The following POLR2E variants were observed in gnomAD, a reference collection of about 807,000 sequenced individuals.
POLR2E encodes DNA-directed RNA polymerases I, II, and III subunit RPABC1.
POLR2E carries 35 observed loss-of-function variants against 29.8 expected under a neutral mutation model. The ratio of observed to expected loss-of-function variants is 1.17; its 90% confidence interval spans 0.90 to 1.55. The LOEUF (loss-of-function observed/expected upper bound fraction) is 1.55. Among genes scored for constraint, POLR2E ranks in the 40% most tolerant of loss-of-function variants. POLR2E has a pLI of 0.00. For synonymous variants in POLR2E, 174 were observed against 112.6 expected (o/e 1.55, Z -3.45); for missense variants, 287 against 288.6 (o/e 0.99, Z 0.04).
In POLR2E at chr19:1,093,992, C is replaced by T. The variant is rs370164381; in HGVS notation, c.144G>A (p.Pro48=). 7.4e-6 allele frequency: 12 copies of T among 1,613,728 alleles called. No individual in the cohort carries two copies. Among genetic ancestry groups the T allele is most frequent in the African/African-American group, 2.7e-5 (2 of 74,916 alleles). ...EEFKAQSGDK[P]SEGRPRRTDL... is the part of the protein sequence containing the mutation. Reference sequence around the variant, plus strand: ...CCGTGCGCCGCGGCCGCCCCTCACTCGGCTTGTCCCCAGATTGGGCTTTGA... The same window carrying T: ...CCGTGCGCCGCGGCCGCCCCTCACTTGGCTTGTCCCCAGATTGGGCTTTGA... Residue 48 remains proline, a synonymous_variant, in exon 2 of 8, where the codon CCG becomes CCA. Transcript: ENST00000615234.
intron 2 of POLR2E, among the ~76,000 whole-genome samples, chr19:1,093,003 T>C (rs1568515381): frequency 6.6e-6 from 1 of 151,334 alleles, no homozygotes; most frequent in East Asian, 1.9e-4. Flanking sequence ...CTAGCCAACA[T>C]GGTGAAACCT....
chr19:1,086,576 T>C lies in POLR2E; in HGVS notation c.*2159A>G, dbSNP rs2043665849. 6.6e-6 allele frequency: 1 copy of C among 152,406 alleles called. No homozygotes were observed. Among genetic ancestry groups the C allele is most frequent in the South Asian group, 2.1e-4 (1 of 4,854 alleles). 9.4% of individuals were successfully genotyped at this position (152,406 alleles called of 1,614,324 possible). A position where few individuals can be genotyped will look rare whatever the true frequency, so the allele number is the denominator to read the frequency against. On this transcript the variant is annotated 3_prime_UTR_variant, in exon 8 of 8. Coordinates refer to ENST00000615234, the MANE Select transcript of POLR2E (RefSeq NM_002695.5). ...GTGGGGTCTCTCGGAAGCCACCGTG[T>C]GGTTCTTTCACAGGCACGTTTATTT... is the stretch of plus-strand genomic sequence containing the variant.
intron 1 of POLR2E, 35 bp downstream of exon 1, chr19:1,095,224 C>T: frequency 6.2e-7 from 1 of 1,608,668 alleles, no homozygotes; most frequent in Non-Finnish European, 8.5e-7. Flanking sequence ...CACCCGCCGC[C>T]CGCGCCCCCG....
At chr19:1,091,145 G>A (rs897843244) in intron 3 of POLR2E, among the ~76,000 whole-genome samples, 157 bp from the exon 4 acceptor site, 3 of 152,190 alleles carry the variant, frequency 2.0e-5, no homozygotes, top group African/African-American at 4.8e-5. Context: ...GCCTTCAACA[G>A]CCCGCCCCTC....
At chr19:1,093,209 CA>C (rs915229168) in intron 2 of POLR2E, among the ~76,000 whole-genome samples, 1 of 151,772 alleles carries the variant, frequency 6.6e-6, no homozygotes, top group Non-Finnish European at 1.5e-5. Context: ...AAAAAAAAAA[CA>C]AAAAAACCCA....
rs1445919753 is a variant in POLR2E at position 1,094,144 on chromosome 19, G to A, written c.58-66C>T. 14 of 1,480,670 alleles carry A rather than the reference G, an allele frequency of 9.5e-6. No homozygotes were observed. In the Middle Eastern group the frequency reaches 5.3e-4, roughly 57 times the overall value. 91.7% of individuals were successfully genotyped at this position (1,480,670 alleles called of 1,614,324 possible). The stretch of plus-strand genomic sequence containing the variant: ...GGAAGGCGGCCAAAGCTCGTGACCC[G>A]GAAGTCAGACCTGCGGCTGCTGCAG... On this transcript the variant is annotated intron_variant, in intron 1 of 7. Transcript: ENST00000615234.
rs2043759701 is a variant in POLR2E, at chr19:1,088,546, G to A, written c.*189C>T. The A allele has an allele frequency of 1.4e-5, 2 of 147,890 alleles. No homozygotes were observed. Among genetic ancestry groups the A allele is most frequent in the African/African-American group, 2.7e-5 (1 of 37,194 alleles). The allele number at this position is 147,890 out of a possible 1,614,324, so 9.2% of individuals were successfully genotyped here. On this transcript the variant is annotated 3_prime_UTR_variant, in exon 8 of 8. Coordinates refer to ENST00000615234, the MANE Select transcript of POLR2E (RefSeq NM_002695.5). ...TCTCGCACAAATCCACAGGTGAATG[G>A]GGCGGGCTGGGCCACAGGAAGCCTC... is the stretch of plus-strand genomic sequence containing the variant.
Position 1,091,980 on chromosome 19 carries a change from A to C in POLR2E, c.233-73T>G, listed in dbSNP as rs1339410123. 3 of 1,053,624 alleles carry C rather than the reference A, an allele frequency of 2.8e-6. No homozygotes were observed. In the African/African-American group the frequency reaches 4.7e-5, roughly 16 times the overall value. The allele number at this position is 1,053,624 out of a possible 1,614,324, so 65.3% of individuals were successfully genotyped here. ...CCCTCGCCCACCCAGAGCCCAGAGC[A>C]CCCAGGTTCCAGCCCCATTCCACAC... On this transcript the variant is annotated intron_variant, in intron 2 of 7. Coordinates refer to ENST00000615234, the MANE Select transcript of POLR2E (RefSeq NM_002695.5).
chr19:1,092,673 G>A (rs1216353597), intron 2 of POLR2E, among the ~76,000 whole-genome samples: 3 of 151,088 alleles, frequency 2.0e-5, no homozygotes, highest in South Asian at 2.1e-4. Context: ...GGGCAACAGA[G>A]CAAGACTCTG....
At chr19:1,092,171 CCTT>C in intron 2 of POLR2E, 1 of 432,322 alleles carries the variant, frequency 2.3e-6, no homozygotes, top group South Asian at 2.3e-5. Flanking sequence ...GAAGCAGAGA[CCTT>C]CGACTCTGAG....
Position 1,087,962 on chromosome 19 carries a change from G to C in POLR2E, c.*773C>G, listed in dbSNP as rs548779123. ...GCAAACCACAGCTGCACAAGCCAGA[G>C]AACAACTCCACACCCTCACGGGAAG... On this transcript the variant is annotated 3_prime_UTR_variant, in exon 8 of 8. Coordinates refer to ENST00000615234, the MANE Select transcript of POLR2E (RefSeq NM_002695.5). 6.6e-6 allele frequency: 1 copy of C among 152,340 alleles called. No individual in the cohort carries two copies. The highest frequency in any genetic ancestry group is 1.5e-5 in the Non-Finnish European group (1 of 68,072). 9.4% of individuals were successfully genotyped at this position (152,340 alleles called of 1,614,324 possible).
intron 3 of POLR2E, among the ~76,000 whole-genome samples, chr19:1,091,271 C>A (rs775426721): frequency 6.6e-6 from 1 of 152,346 alleles, no homozygotes; most frequent in South Asian, 2.1e-4. Context: ...GGCAGGGCGA[C>A]CTCTTCCCCA....
chr19:1,095,319 A>T lies in POLR2E; in HGVS notation c.-4T>A. ...ACGTCTCCTCCTCGTCGTCCATGGC[A>T]GCCTCCGCCGCCGCCGCCGCTCGCA... is the stretch of plus-strand genomic sequence containing the variant. On this transcript the variant is annotated 5_prime_UTR_variant, in exon 1 of 8. Transcript: ENST00000615234. 6.2e-7 allele frequency: 1 copy of T among 1,612,172 alleles called. No individual in the cohort carries two copies. The highest frequency in any genetic ancestry group is 8.5e-7 in the Non-Finnish European group (1 of 1,179,548).
chr19:1,089,457 C>T lies in POLR2E; in HGVS notation c.*14+15G>A, dbSNP rs766397387. The T allele has an allele frequency of 5.1e-6, 8 of 1,584,018 alleles. No individual in the cohort carries two copies. Among genetic ancestry groups the T allele is most frequent in the Middle Eastern group, 1.7e-4 (1 of 6,004 alleles). On this transcript the variant is annotated intron_variant, in intron 7 of 7. Transcript: ENST00000615234. ...CTCTGACCCCACCTCAGTGCCTGTCCCTCGGCCGTCTCACCTGTCAGGCGG... is the reference window on the plus strand; with the variant it reads ...CTCTGACCCCACCTCAGTGCCTGTCTCTCGGCCGTCTCACCTGTCAGGCGG...
chr19:1,095,345 C>G lies in POLR2E; in HGVS notation c.-30G>C, dbSNP rs777901343. The G allele has an allele frequency of 1.2e-6, 2 of 1,612,088 alleles. No homozygotes were observed. On this transcript the variant is annotated 5_prime_UTR_variant, in exon 1 of 8. Coordinates refer to ENST00000615234, the MANE Select transcript of POLR2E (RefSeq NM_002695.5). ...GCCTCCGCCGCCGCCGCCGCTCGCA[C>G]CCCTTCTCCGCGCGAGAACCCGCGC... is the stretch of plus-strand genomic sequence containing the variant.
At chr19:1,090,818 T>C in intron 4 of POLR2E, 90 bp downstream of exon 4, 3 of 1,145,446 alleles carry the variant, frequency 2.6e-6, no homozygotes, top group East Asian at 4.9e-5. Flanking sequence ...ACACCTGCCC[T>C]GGGCCCCAGA....
At position 1,087,705 on chromosome 19, in the gene POLR2E, GT is replaced by G. The variant is rs5826721; in HGVS notation, c.*1029del. On this transcript the variant is annotated 3_prime_UTR_variant, in exon 8 of 8. Coordinates refer to ENST00000615234, the MANE Select transcript of POLR2E (RefSeq NM_002695.5). ...ACATTTGGAGAGAAGGGGAAGCACTGTCCCCATCACACACACAGTCCGCGGC... is the reference window on the plus strand; with the variant it reads ...ACATTTGGAGAGAAGGGGAAGCACTGCCCCATCACACACACAGTCCGCGGC... 48,978 of 152,206 alleles carry G rather than the reference GT, an allele frequency of 0.32. 9,370 individuals are homozygous for G. Among genetic ancestry groups the G allele is most frequent in the Middle Eastern group, 0.47 (138 of 294 alleles). 9.4% of individuals were successfully genotyped at this position (152,206 alleles called of 1,614,324 possible).
chr19:1,091,125 C>A lies in POLR2E; in HGVS notation c.349-137G>T. On this transcript the variant is annotated intron_variant, in intron 3 of 7. Coordinates refer to ENST00000615234, the MANE Select transcript of POLR2E (RefSeq NM_002695.5). The stretch of plus-strand genomic sequence containing the variant: ...GTCGTGAATCAGAAAACCCCACCGC[C>A]AGCCCAGGAGCCTTCAACAGCCCGC... 9 of 668,022 alleles carry A rather than the reference C, an allele frequency of 1.3e-5. No individual in the cohort carries two copies. The South Asian group carries it at 1.7e-4, about 12-fold the overall frequency. 41.4% of individuals were successfully genotyped at this position (668,022 alleles called of 1,614,324 possible). A position where few individuals can be genotyped will look rare whatever the true frequency, so the allele number is the denominator to read the frequency against.
chr19:1,090,171 A>G, intron 4 of POLR2E, 26 bp from the exon 5 acceptor site: 1 of 1,606,004 alleles, frequency 6.2e-7, no homozygotes, highest in South Asian at 1.1e-5. Flanking sequence ...GCCACCAGGC[A>G]TCACCAAGGG....
Sources: allele counts gnomAD v4.1 joint callset (sites outside exome capture counted in the v4.1 genomes callset), GRCh38; gene constraint gnomAD v4.1.1; transcripts MANE v1.5; gene names NCBI Gene and HGNC (gene_info 2026-07-23, HGNC 2026-07-21).